Variants in TRIOBP observed in about 807,000 individuals in gnomAD.
TRIOBP encodes the protein TRIO and F-actin-binding protein.
Under a neutral mutation model 238.8 loss-of-function variants are expected in TRIOBP, and 169 were observed. The ratio of observed to expected loss-of-function variants is 0.71; its 90% CI spans 0.62 to 0.80. TRIOBP has a LOEUF of 0.80. TRIOBP is among the 30% of genes least tolerant of loss of function. The pLI is 0.00. For synonymous variants in TRIOBP, 1,150 were observed against 1,274.4 expected (o/e 0.90, Z 2.08); for missense variants, 2,838 against 3,122.6 (o/e 0.91, Z 2.17).
At chr22:37,714,858 A>G (rs978397008) in intron 5 of TRIOBP, among the ~76,000 whole-genome samples, 1 of 151,622 alleles carries the variant, frequency 6.6e-6, no homozygotes, top group African/African-American at 2.4e-5. Flanking sequence ...ATTTTTTTTA[A>G]TTTTGTAGAG....
At chr22:37,717,704 T>A (rs1031929830) in intron 6 of TRIOBP, among the ~76,000 whole-genome samples, 1 of 152,216 alleles carries the variant, frequency 6.6e-6, no homozygotes, top group Non-Finnish European at 1.5e-5. Flanking sequence ...TGCTGATTGG[T>A]GTATTTACAA....
chr22:37,774,181 T>C lies in TRIOBP; in HGVS notation c.*401T>C, dbSNP rs1333557776. 6.9e-6 allele frequency: 1 copy of C among 144,070 alleles called. No homozygotes were observed. Among genetic ancestry groups the C allele is most frequent in the Non-Finnish European group, 1.5e-5 (1 of 66,666 alleles). 8.9% of individuals were successfully genotyped at this position (144,070 alleles called of 1,614,324 possible). A position where few individuals can be genotyped will look rare whatever the true frequency, so the allele number is the denominator to read the frequency against. On this transcript the variant is annotated 3_prime_UTR_variant, in exon 24 of 24. Transcript: ENST00000644935. Reference sequence around the variant, plus strand: ...TGTGTGCCTCCAACCCTGGTCCCCCTCTGTCTCCAGCCACCCTCTGCTTGG... The same window carrying C: ...TGTGTGCCTCCAACCCTGGTCCCCCCCTGTCTCCAGCCACCCTCTGCTTGG...
At chr22:37,730,238 G>A (rs1049063175) in intron 7 of TRIOBP, among the ~76,000 whole-genome samples, 1 of 152,036 alleles carries the variant, frequency 6.6e-6, no homozygotes, top group African/African-American at 2.4e-5. Flanking sequence ...TGCTTGGTGC[G>A]GCCACATCAA....
At chr22:37,714,474 G>A (rs1381836474) in intron 5 of TRIOBP, among the ~76,000 whole-genome samples, 1 of 152,186 alleles carries the variant, frequency 6.6e-6, no homozygotes, top group Non-Finnish European at 1.5e-5. Flanking sequence ...ATCGAGACCA[G>A]CCTGGCCAAC....
At chr22:37,751,414 C>T in intron 11 of TRIOBP, 1 of 383,910 alleles carries the variant, frequency 2.6e-6, no homozygotes, top group South Asian at 2.2e-5. Flanking sequence ...CTGGACTGCC[C>T]TCTGAGCTCT....
rs1029958878 is a variant in TRIOBP at position 37,759,152 on chromosome 22, A to G, written c.6214-2A>G. The G allele has an allele frequency of 8.1e-6, 13 of 1,610,220 alleles. No homozygotes were observed. Among genetic ancestry groups the G allele is most frequent in the Non-Finnish European group, 8.5e-6 (10 of 1,178,778 alleles). ...CCCACTGACCACCCTTCTCCCTCGT[A>G]GGTTCAGGCTCTTCGGGCCCAGCTG... is the stretch of plus-strand genomic sequence containing the variant. On this transcript the variant is annotated splice_acceptor_variant, in intron 16 of 23. Coordinates refer to ENST00000644935, the MANE Select transcript of TRIOBP (RefSeq NM_001039141.3). LOFTEE classifies it high-confidence loss of function.
intron 11 of TRIOBP, among the ~76,000 whole-genome samples, chr22:37,743,595 C>T (rs1448613913): frequency 2.6e-5 from 4 of 152,106 alleles, no homozygotes; most frequent in Non-Finnish European, 5.9e-5. Flanking sequence ...CCACTGGAGC[C>T]CAGTTAGGTA....
intron 7 of TRIOBP, among the ~76,000 whole-genome samples, chr22:37,727,433 C>A (rs1240085850): frequency 6.6e-6 from 1 of 151,612 alleles, no homozygotes; most frequent in African/African-American, 2.4e-5. Context: ...CTTGGGGAGG[C>A]CGAGGCGGGC....
rs112615656 is a variant in TRIOBP, at chr22:37,744,302, G to T, written c.5322+3270G>T. On this transcript the variant is annotated intron_variant, in intron 11 of 23. Transcript: ENST00000644935. ...TGAGATTACAGGCATAAACCACCGCGCCCAGCCTCCAGTGCTGTGCATCTC... is the reference window on the plus strand; with the variant it reads ...TGAGATTACAGGCATAAACCACCGCTCCCAGCCTCCAGTGCTGTGCATCTC... 4.4e-3 allele frequency among the ~76,000 whole-genome samples: 670 copies of T among 151,926 alleles called. 4 individuals carry two copies. Among genetic ancestry groups the T allele is most frequent in the Admixed American group, 7.9e-3 (121 of 15,252 alleles).
At chr22:37,713,485 C>T (rs1923363601) in intron 5 of TRIOBP, 74 bp downstream of exon 5, 10 of 1,552,884 alleles carry the variant, frequency 6.4e-6, no homozygotes, top group Non-Finnish European at 8.8e-6. Context: ...CCCACCTAAA[C>T]CTCCAGGCCA....
At chr22:37,757,534 A>G (rs1925992819) in intron 15 of TRIOBP, 79 bp from the exon 16 acceptor site, 2 of 1,527,226 alleles carry the variant, frequency 1.3e-6, no homozygotes, top group Non-Finnish European at 1.8e-6. Flanking sequence ...GGCCTGGCAC[A>G]CAGGTGTCGC....
At chr22:37,703,589 C>T (rs961601544) in intron 3 of TRIOBP, among the ~76,000 whole-genome samples, 1 of 149,826 alleles carries the variant, frequency 6.7e-6, no homozygotes, top group Non-Finnish European at 1.5e-5. Flanking sequence ...ACTGCAAGCT[C>T]GGCCTCCCAG....
chr22:37,736,267 T>C (rs1924665044), intron 9 of TRIOBP, among the ~76,000 whole-genome samples: 1 of 152,200 alleles, frequency 6.6e-6, no homozygotes, highest in Non-Finnish European at 1.5e-5. Context: ...GAGGACGGCA[T>C]GTGGTTTTGA....
At chr22:37,758,682 TAAA>T (rs563727998) in intron 16 of TRIOBP, among the ~76,000 whole-genome samples, 17 of 125,046 alleles carry the variant, frequency 1.4e-4, no homozygotes, top group South Asian at 1.2e-3. Flanking sequence ...TGTCTCAGAT[TAAA>T]AAAAAAAAAG....
At chr22:37,753,441 A>AT (rs1569055489) in intron 12 of TRIOBP, among the ~76,000 whole-genome samples, 4 of 150,798 alleles carry the variant, frequency 2.7e-5, no homozygotes, top group Non-Finnish European at 4.4e-5. Context: ...TGCCCATCTA[A>AT]TTTTTTTTTG....
At chr22:37,714,584 G>A (rs368207527) in intron 5 of TRIOBP, among the ~76,000 whole-genome samples, 1 of 152,068 alleles carries the variant, frequency 6.6e-6, no homozygotes, top group Non-Finnish European at 1.5e-5. Flanking sequence ...CAGGAGAATC[G>A]CTTGAACCCG....
chr22:37,735,491 T>C (rs1924627836), intron 9 of TRIOBP, 49 bp downstream of exon 9: 4 of 1,536,676 alleles, frequency 2.6e-6, no homozygotes, highest in South Asian at 2.4e-5. Flanking sequence ...TCAGCCCCAC[T>C]CAGCCAAGTC....
At position 37,759,160 on chromosome 22, in the gene TRIOBP, G is replaced by C; in HGVS notation, c.6220G>C (p.Ala2074Pro). ...CCACCCTTCTCCCTCGTAGGTTCAG[G>C]CTCTTCGGGCCCAGCTGGAGGCGTG... is the stretch of plus-strand genomic sequence containing the variant. ...GHEALEKEVQALRAQLEAWRL... is the reference protein window; with the variant it reads ...GHEALEKEVQPLRAQLEAWRL... The change falls in exon 17 of 24, where the codon GCT (alanine) becomes CCT (proline). Residue 2074 changes from alanine (A) to proline (P), a missense_variant. Transcript: ENST00000644935. 1 of 1,611,610 alleles carries C rather than the reference G, an allele frequency of 6.2e-7. No individual in the cohort carries two copies. Among genetic ancestry groups the C allele is most frequent in the Non-Finnish European group, 8.5e-7 (1 of 1,179,426 alleles).
intron 6 of TRIOBP, among the ~76,000 whole-genome samples, chr22:37,716,238 A>T (rs1361421056): frequency 2.0e-5 from 3 of 151,754 alleles, no homozygotes; most frequent in Non-Finnish European, 4.4e-5. Flanking sequence ...CAGCCTCCCA[A>T]GTAGCTAAGA....
Sources: allele counts gnomAD v4.1 joint callset (sites outside exome capture counted in the v4.1 genomes callset), GRCh38; gene constraint gnomAD v4.1.1; transcripts MANE v1.5; gene names NCBI Gene and HGNC (gene_info 2026-07-23, HGNC 2026-07-21).